PMS1: variants seen among roughly 807,000 people sequenced by gnomAD.
PMS1 encodes the protein PMS1 protein homolog 1.
PMS1 carries 79 observed loss-of-function variants against 93.1 expected under a neutral mutation model. The observed-to-expected ratio is 0.85, with a 90% CI of 0.71 to 1.02. The LOEUF is 1.02. PMS1 is among the 50% of genes least tolerant of loss of function. The pLI is 0.00. For synonymous variants in PMS1, 335 were observed against 363.4 expected, an observed-to-expected ratio of 0.92 and a Z score of 0.89; for missense variants, 1,064 against 1,085.3, an observed-to-expected ratio of 0.98 and a Z score of 0.28.
intron 9 of PMS1, among the ~76,000 whole-genome samples, chr2:189,862,431 G>GT (rs978922318): frequency 2.0e-5 from 3 of 151,876 alleles, no homozygotes; most frequent in African/African-American, 2.4e-5. Flanking sequence ...TTTTTAAGTG[G>GT]TTTTTTGGTA....
chr2:189,855,226 G>A, intron 9 of PMS1, 98 bp downstream of exon 9: 1 of 1,003,374 alleles, frequency 1.0e-6, no homozygotes, highest in East Asian at 2.6e-5. Flanking sequence ...CTTATTTATG[G>A]AAAAGCAGAT....
At chr2:189,804,988 G>T (rs759825427) in intron 3 of PMS1, among the ~76,000 whole-genome samples, 2 of 152,092 alleles carry the variant, frequency 1.3e-5, no homozygotes, top group African/African-American at 4.8e-5. Flanking sequence ...GATGAAGCTA[G>T]CTCAAAAGAG....
At chr2:189,864,583 G>T (rs2106513019) in intron 10 of PMS1, among the ~76,000 whole-genome samples, 1 of 143,126 alleles carries the variant, frequency 7.0e-6, no homozygotes, top group Admixed American at 7.1e-5. Flanking sequence ...TTGAACCTGG[G>T]AGGTGGAGGT....
At chr2:189,806,450 T>C (rs2050353299) in intron 4 of PMS1, 1 of 313,434 alleles carries the variant, frequency 3.2e-6, no homozygotes, top group South Asian at 3.2e-5. Context: ...CAGGCTGGAC[T>C]GCAGTGGCAT....
At chr2:189,827,634 C>G (rs1378428362) in intron 5 of PMS1, among the ~76,000 whole-genome samples, 1 of 152,080 alleles carries the variant, frequency 6.6e-6, no homozygotes, top group Non-Finnish European at 1.5e-5. Flanking sequence ...TGTGTATCCA[C>G]TGTATATACA....
At chr2:189,785,424 T>A (rs918621124) in intron 1 of PMS1, 1 of 152,234 alleles carries the variant, frequency 6.6e-6, no homozygotes, top group Non-Finnish European at 1.5e-5. Context: ...CCAGCAAATA[T>A]GGAAGACTGA....
At chr2:189,825,310 G>A (rs1485720124) in intron 5 of PMS1, among the ~76,000 whole-genome samples, 2 of 152,156 alleles carry the variant, frequency 1.3e-5, no homozygotes, top group Non-Finnish European at 2.9e-5. Context: ...ATTTAAAGTA[G>A]ATATTATTTG....
chr2:189,800,527 A>G (rs1036896646), intron 3 of PMS1, among the ~76,000 whole-genome samples: 6 of 152,294 alleles, frequency 3.9e-5, no homozygotes, highest in African/African-American at 1.4e-4. Flanking sequence ...TTTGGGGGAA[A>G]GGAGTTCACT....
intron 11 of PMS1, among the ~76,000 whole-genome samples, chr2:189,868,364 G>A (rs1559330590): frequency 6.6e-6 from 1 of 152,212 alleles, no homozygotes; most frequent in Non-Finnish European, 1.5e-5. Flanking sequence ...TGTACTATAT[G>A]GAGAATGGAT....
Position 189,791,895 on chromosome 2 carries a change from T to C in PMS1, c.86T>C (p.Ile29Thr), listed in dbSNP as rs1198535898. 4 of 1,613,952 alleles carry C rather than the reference T, an allele frequency of 2.5e-6. No homozygotes were observed. Among genetic ancestry groups the C allele is most frequent in the Admixed American group, 1.7e-5 (1 of 60,000 alleles). Residue 29 changes from isoleucine to threonine, a missense_variant, in exon 2 of 13, where the codon ATT (isoleucine) becomes ACT (threonine). Ile to Thr is a moderately conservative substitution (Grantham distance 89). Transcript: ENST00000441310. ...GTGGTCAGTGTTGTAAAAGAGCTTA[T>C]TGAAAACTCCTTGGATGCTGGTGCC... ...TSVVSVVKEL[I>T]ENSLDAGATS...
chr2:189,785,956 C>G (rs5742944), intron 1 of PMS1, among the ~76,000 whole-genome samples: 5,132 of 152,096 alleles, frequency 0.034, 299 homozygotes, highest in African/African-American at 0.12. Context: ...GAAACCCTGT[C>G]TCTACTAAAA....
In PMS1 at chr2:189,844,039, A is replaced by G; in HGVS notation, c.658A>G (p.Asn220Asp). 6.2e-7 allele frequency: 1 copy of G among 1,614,008 alleles called. No individual in the cohort carries two copies. The highest frequency in any genetic ancestry group is 8.5e-7 in the Non-Finnish European group (1 of 1,179,948). ...LMSVLGTAVMNNMESFQYHSE... is the reference protein window; with the variant it reads ...LMSVLGTAVMDNMESFQYHSE... ...GTCAGTTCTGGGGACTGCTGTTATG[A>G]ACAATATGGAATCCTTTCAGTACCA... The change falls in exon 6 of 13, where the codon AAC becomes GAC. Residue 220 changes from asparagine to aspartate, a missense_variant. Asn to Asp is a conservative substitution (Grantham distance 23, BLOSUM62 1). Coordinates refer to ENST00000441310, the MANE Select transcript of PMS1 (RefSeq NM_000534.5).
At chr2:189,832,868 T>G (rs2053077236) in intron 5 of PMS1, among the ~76,000 whole-genome samples, 1 of 152,206 alleles carries the variant, frequency 6.6e-6, no homozygotes, top group Non-Finnish European at 1.5e-5. Flanking sequence ...ATTTGTTACT[T>G]AAATAGTAGT....
chr2:189,867,457 C>T (rs2056762871), intron 10 of PMS1, among the ~76,000 whole-genome samples: 1 of 152,064 alleles, frequency 6.6e-6, no homozygotes, highest in African/African-American at 2.4e-5. Flanking sequence ...CAGGGTGGAC[C>T]ACCTAACTTG....
intron 5 of PMS1, among the ~76,000 whole-genome samples, chr2:189,841,936 C>T (rs1483909797): frequency 2.0e-5 from 3 of 151,600 alleles, no homozygotes; most frequent in African/African-American, 7.3e-5. Context: ...AGCCTCCAGC[C>T]ACTGAGTCTC....
intron 3 of PMS1, among the ~76,000 whole-genome samples, 193 bp downstream of exon 3, chr2:189,796,144 A>C (rs1468088199): frequency 2.0e-5 from 3 of 152,144 alleles, no homozygotes; most frequent in African/African-American, 4.8e-5. Context: ...GGATCACCTG[A>C]GGTCAGGAGT....
rs946661931 is a variant in PMS1, at chr2:189,872,357, C to T, written c.2474-1139C>T. ...ATTATTGAAGTCTCAGGATCTGAAA[C>T]TCTTCAAGTTATATCACATCTCTTT... On this transcript the variant is annotated intron_variant, in intron 11 of 12. Transcript: ENST00000441310. 2.0e-5 allele frequency among the ~76,000 whole-genome samples: 3 copies of T among 152,082 alleles called. No homozygotes were observed. In the East Asian group the frequency reaches 5.8e-4, roughly 29 times the overall value.
At chr2:189,834,104 C>CG (rs1463242985) in intron 5 of PMS1, among the ~76,000 whole-genome samples, 6 of 152,144 alleles carry the variant, frequency 3.9e-5, no homozygotes, top group Non-Finnish European at 8.8e-5. Flanking sequence ...CACAGCACAG[C>CG]GCCTGCTCCA....
intron 1 of PMS1, among the ~76,000 whole-genome samples, chr2:189,790,669 A>G (rs1245026114): frequency 2.0e-5 from 3 of 152,208 alleles, no homozygotes; most frequent in African/African-American, 7.2e-5. Context: ...TCCTATATGT[A>G]AAGTGTTTAG....
Sources: gnomAD v4.1 joint callset for allele counts (sites outside exome capture counted in the v4.1 genomes callset) on GRCh38, gnomAD v4.1.1 for gene constraint, MANE v1.5 for transcripts, NCBI Gene and HGNC (gene_info 2026-07-23, HGNC 2026-07-21) for gene names.